PHACTR1: variants seen among roughly 807,000 people sequenced by gnomAD.
The protein encoded by PHACTR1 is RPEL repeat containing 1.
Under a neutral mutation model 69.2 loss-of-function variants are expected in PHACTR1, and 16 were observed. The observed-to-expected ratio is 0.23, with a 90% CI of 0.16 to 0.35. The LOEUF is 0.35. Among genes scored for constraint, PHACTR1 ranks in the 10% least tolerant of loss-of-function variants. The pLI is 1.00. For synonymous variants in PHACTR1, 312 were observed against 284.5 expected, an observed-to-expected ratio of 1.10 and a Z score of -0.97; for missense variants, 510 against 734.7, an observed-to-expected ratio of 0.69 and a Z score of 3.54.
chr6:12,914,427 T>C (rs901698984), intron 4 of PHACTR1, among the ~76,000 whole-genome samples: 25 of 152,190 alleles, frequency 1.6e-4, no homozygotes, highest in African/African-American at 5.5e-4. Flanking sequence ...ATTCCATTCT[T>C]GACCTCGCTT....
chr6:12,960,023 T>C (rs1018199045), intron 4 of PHACTR1, among the ~76,000 whole-genome samples: 2 of 152,220 alleles, frequency 1.3e-5, no homozygotes, highest in Non-Finnish European at 2.9e-5. Context: ...TCAGTCTTTA[T>C]GGAAATCAAG....
intron 6 of PHACTR1, among the ~76,000 whole-genome samples, chr6:13,173,116 A>T (rs1420867082): frequency 2.6e-5 from 4 of 152,238 alleles, no homozygotes; most frequent in Non-Finnish European, 4.4e-5. Flanking sequence ...ACTTTTAAAC[A>T]CAAACACACA....
chr6:13,286,493 A>T (rs145218148), intron 14 of PHACTR1, among the ~76,000 whole-genome samples: 2 of 152,370 alleles, frequency 1.3e-5, no homozygotes, highest in African/African-American at 4.8e-5. Flanking sequence ...AACGACCCCA[A>T]GGTGGGTTTT....
chr6:12,908,486 C>T (rs1471595927), intron 4 of PHACTR1, among the ~76,000 whole-genome samples: 1 of 151,440 alleles, frequency 6.6e-6, no homozygotes, highest in Non-Finnish European at 1.5e-5. Context: ...ATAAAATGTG[C>T]TAAGTGCAGT....
chr6:12,754,109 C>A (rs1450937827), intron 4 of PHACTR1, among the ~76,000 whole-genome samples: 1 of 148,298 alleles, frequency 6.7e-6, no homozygotes, highest in Admixed American at 6.7e-5. Context: ...ACTACAGGCA[C>A]CTGCCACCAC....
In PHACTR1 at chr6:13,227,812, A is replaced by T. The variant is rs778068965; in HGVS notation, c.987-4A>T. ...TTTCCTCTTTCCTCCTTGTCTTTAA[A>T]CAGCTCTGAGCAGCGGGTCCCCTGT... On this transcript the variant is annotated splice_region_variant and splice_polypyrimidine_tract_variant and intron_variant, in intron 8 of 14. Transcript: ENST00000332995. 6.2e-7 allele frequency: 1 copy of T among 1,612,008 alleles called. No individual in the cohort carries two copies. The highest frequency in any genetic ancestry group is 1.1e-5 in the South Asian group (1 of 91,046).
At chr6:13,200,943 CAAAAA>C (rs772620697) in intron 7 of PHACTR1, among the ~76,000 whole-genome samples, 1 of 90,748 alleles carries the variant, frequency 1.1e-5, no homozygotes, top group South Asian at 3.6e-4. Context: ...AACTCTGTCT[CAAAAA>C]AAAAAAAAAA....
chr6:13,109,833 C>CGTGT (rs58370068), intron 5 of PHACTR1, among the ~76,000 whole-genome samples: 4,216 of 146,128 alleles, frequency 0.029, 72 homozygotes, highest in African/African-American at 0.051. Context: ...ATTTTTTCAG[C>CGTGT]GTGTGTGTGT....
At chr6:12,914,119 C>G (rs918691629) in intron 4 of PHACTR1, among the ~76,000 whole-genome samples, 2 of 152,192 alleles carry the variant, frequency 1.3e-5, no homozygotes, top group Admixed American at 1.3e-4. Context: ...CAGGCACAAG[C>G]CTCCCAGGTA....
intron 4 of PHACTR1, among the ~76,000 whole-genome samples, chr6:12,982,172 T>C (rs973014355): frequency 1.3e-5 from 2 of 152,218 alleles, no homozygotes; most frequent in Non-Finnish European, 1.5e-5. Flanking sequence ...TCCTCATTCT[T>C]AGGCTTTCCT....
chr6:12,726,502 C>T (rs140733781), intron 3 of PHACTR1, among the ~76,000 whole-genome samples: 214 of 152,310 alleles, frequency 1.4e-3, no homozygotes, highest in African/African-American at 5.0e-3. Flanking sequence ...ATCCCACTCA[C>T]GCTTCTAACC....
chr6:13,219,603 G>A lies in PHACTR1; in HGVS notation c.987-8213G>A, dbSNP rs77825568. Among the ~76,000 whole-genome samples the A allele has an allele frequency of 9.2e-3, 1,396 of 152,030 alleles. 19 individuals carry two copies. The highest frequency in any genetic ancestry group is 0.029 in the African/African-American group (1,200 of 41,426). On this transcript the variant is annotated intron_variant, in intron 8 of 14. Coordinates refer to ENST00000332995, the MANE Select transcript of PHACTR1 (RefSeq NM_030948.6). Reference sequence around the variant, plus strand: ...CTTCCTCTTGTCGCCTATTCTCTCCGCACACCTACTCACCCCCAGCCATGT... The same window carrying A: ...CTTCCTCTTGTCGCCTATTCTCTCCACACACCTACTCACCCCCAGCCATGT...
At chr6:12,965,044 C>T (rs375907518) in intron 4 of PHACTR1, among the ~76,000 whole-genome samples, 1 of 152,184 alleles carries the variant, frequency 6.6e-6, no homozygotes, top group South Asian at 2.1e-4. Context: ...CTATGTACAT[C>T]CTCACACACA....
intron 6 of PHACTR1, among the ~76,000 whole-genome samples, chr6:13,175,513 T>C (rs561445547): frequency 1.1e-4 from 16 of 152,118 alleles, no homozygotes; most frequent in Non-Finnish European, 1.9e-4. Flanking sequence ...CAGCTGCGCT[T>C]CACCCCACCT....
chr6:12,731,850 G>A (rs1455534640), intron 3 of PHACTR1, among the ~76,000 whole-genome samples: 3 of 152,158 alleles, frequency 2.0e-5, no homozygotes, highest in Non-Finnish European at 4.4e-5. Context: ...TGTGGGGATG[G>A]ACAGATGCTC....
intron 4 of PHACTR1, among the ~76,000 whole-genome samples, chr6:12,913,025 CTGAAAAA>C (rs1351757676): frequency 6.6e-6 from 1 of 152,172 alleles, no homozygotes; most frequent in Non-Finnish European, 1.5e-5. Flanking sequence ...TTTGTCATGC[CTGAAAAA>C]GCTTCATACC....
chr6:12,840,500 GAA>G (rs1248105326), intron 4 of PHACTR1, among the ~76,000 whole-genome samples: 1 of 152,154 alleles, frequency 6.6e-6, no homozygotes, highest in Non-Finnish European at 1.5e-5. Flanking sequence ...TCGACTTGTA[GAA>G]AAAGAGTCCA....
intron 6 of PHACTR1, among the ~76,000 whole-genome samples, chr6:13,161,940 A>G (rs934090968): frequency 6.6e-6 from 1 of 152,192 alleles, no homozygotes; most frequent in Non-Finnish European, 1.5e-5. Flanking sequence ...AGCAAGCCCT[A>G]TGGTAAGCCA....
At chr6:13,218,664 A>AT (rs1424605761) in intron 8 of PHACTR1, among the ~76,000 whole-genome samples, 1 of 151,996 alleles carries the variant, frequency 6.6e-6, no homozygotes, top group Non-Finnish European at 1.5e-5. Flanking sequence ...TACAAAAAAA[A>AT]TCAAAAAATT....
Sources: allele counts gnomAD v4.1 joint callset (sites outside exome capture counted in the v4.1 genomes callset), GRCh38; gene constraint gnomAD v4.1.1; transcripts MANE v1.5; gene names NCBI Gene and HGNC (gene_info 2026-07-23, HGNC 2026-07-21).